SLC39A11: variants seen among roughly 807,000 people sequenced by gnomAD.
SLC39A11 encodes zinc transporter ZIP11.
In SLC39A11, 33 loss-of-function variants were observed where a neutral mutation model predicts 36.1. The ratio of observed to expected loss-of-function variants is 0.91; its 90% CI spans 0.69 to 1.22. The LOEUF is 1.22. Ranked by LOEUF, SLC39A11 falls within the 50% of genes most tolerant of loss-of-function variation. The pLI is 0.00. For missense variants in SLC39A11, 432 were observed against 430.3 expected (o/e 1.00, Z -0.03); for synonymous variants, 166 against 170.3 (o/e 0.97, Z 0.20).
At chr17:72,986,710 A>C (rs1372122425) in intron 4 of SLC39A11, among the ~76,000 whole-genome samples, 2 of 152,204 alleles carry the variant, frequency 1.3e-5, no homozygotes, top group African/African-American at 4.8e-5. Context: ...AGGTGTGAGA[A>C]GCACTTGTAG....
intron 6 of SLC39A11, among the ~76,000 whole-genome samples, chr17:72,740,857 C>T (rs1393748205): frequency 6.6e-6 from 1 of 152,154 alleles, no homozygotes; most frequent in Admixed American, 6.5e-5. Flanking sequence ...TCACCGCAAC[C>T]TCCGCCTCCC....
At chr17:73,008,562 C>T (rs1042596529) in intron 4 of SLC39A11, among the ~76,000 whole-genome samples, 1 of 152,106 alleles carries the variant, frequency 6.6e-6, no homozygotes, top group Non-Finnish European at 1.5e-5. Flanking sequence ...ATCAGGTGCT[C>T]CTGATTATAG....
chr17:72,674,425 G>C (rs1297189824), intron 7 of SLC39A11, among the ~76,000 whole-genome samples: 1 of 152,118 alleles, frequency 6.6e-6, no homozygotes, highest in Non-Finnish European at 1.5e-5. Flanking sequence ...CTACACTATA[G>C]CTTACTCATC....
At chr17:72,740,596 CT>C (rs1378280677) in intron 6 of SLC39A11, among the ~76,000 whole-genome samples, 1 of 152,076 alleles carries the variant, frequency 6.6e-6, no homozygotes, top group Admixed American at 6.6e-5. Context: ...TTCCAGCATC[CT>C]TAATGGTACT....
chr17:73,056,596 C>G (rs1309752229), intron 3 of SLC39A11, among the ~76,000 whole-genome samples: 1 of 152,168 alleles, frequency 6.6e-6, no homozygotes, highest in Non-Finnish European at 1.5e-5. Context: ...TGGCAAAAGT[C>G]AAAGTCATGA....
At chr17:72,921,152 G>T (rs1423747597) in intron 5 of SLC39A11, among the ~76,000 whole-genome samples, 4 of 152,164 alleles carry the variant, frequency 2.6e-5, no homozygotes, top group African/African-American at 9.7e-5. Flanking sequence ...TGCATGAAAT[G>T]AATGAAAAAG....
intron 5 of SLC39A11, among the ~76,000 whole-genome samples, chr17:72,864,527 G>A (rs778596481): frequency 2.6e-5 from 4 of 152,078 alleles, no homozygotes; most frequent in Admixed American, 2.0e-4. Context: ...TACTGCAGTC[G>A]TGAGTCCCCT....
At position 73,047,021 on chromosome 17, in the gene SLC39A11, T is replaced by G. The variant is rs375512622; in HGVS notation, c.148-15307A>C. Reference sequence around the variant, plus strand: ...AGAACCACCTTCTTCTTTTTTTATTTTATTTATTTTTTTTTTTTTTTGAGA... The same window carrying G: ...AGAACCACCTTCTTCTTTTTTTATTGTATTTATTTTTTTTTTTTTTTGAGA... On this transcript the variant is annotated intron_variant, in intron 3 of 9. Coordinates refer to ENST00000255559, the MANE Select transcript of SLC39A11 (RefSeq NM_139177.4). Among the ~76,000 whole-genome samples, 3 of 125,024 alleles carry G rather than the reference T, an allele frequency of 2.4e-5. No homozygotes were observed. The South Asian group carries it at 7.8e-4, about 32-fold the overall frequency. 82.0% of individuals were successfully genotyped at this position (125,024 alleles called of 152,430 possible).
intron 7 of SLC39A11, among the ~76,000 whole-genome samples, chr17:72,730,901 C>G (rs888123352): frequency 6.6e-6 from 1 of 152,150 alleles, no homozygotes; most frequent in Non-Finnish European, 1.5e-5. Context: ...TAGGTGTGCG[C>G]CACCACGTCC....
chr17:72,969,562 G>T (rs552388539), intron 4 of SLC39A11, among the ~76,000 whole-genome samples: 3 of 151,528 alleles, frequency 2.0e-5, no homozygotes, highest in East Asian at 1.9e-4. Context: ...CTCCTCTCTC[G>T]CATCCTCTTC....
intron 7 of SLC39A11, among the ~76,000 whole-genome samples, chr17:72,715,807 G>A (rs1173244570): frequency 6.6e-6 from 1 of 152,086 alleles, no homozygotes; most frequent in Non-Finnish European, 1.5e-5. Flanking sequence ...GGGTTCAAGC[G>A]ATTCTCGTGC....
Position 72,967,009 on chromosome 17 carries a change from G to C in SLC39A11, c.307-19134C>G, listed in dbSNP as rs11867399. On this transcript the variant is annotated intron_variant, in intron 4 of 9. Transcript: ENST00000255559. ...TGTGCATGCAAAGGATCTAGGTTGCGCGTTCCTTATGAGAATCTAATGCCT... is the reference window on the plus strand; with the variant it reads ...TGTGCATGCAAAGGATCTAGGTTGCCCGTTCCTTATGAGAATCTAATGCCT... Among the ~76,000 whole-genome samples, 218 of 152,174 alleles carry C rather than the reference G, an allele frequency of 1.4e-3. 3 individuals are homozygous for C. Among genetic ancestry groups the C allele is most frequent in the African/African-American group, 5.1e-3 (212 of 41,486 alleles).
intron 7 of SLC39A11, chr17:72,663,782 G>C (rs1042312567): frequency 2.0e-5 from 3 of 152,146 alleles, no homozygotes; most frequent in Non-Finnish European, 2.9e-5. Flanking sequence ...TCTTATTCAC[G>C]GAGGGCTTCA....
chr17:72,985,377 G>A (rs958675141), intron 4 of SLC39A11, among the ~76,000 whole-genome samples: 3 of 144,216 alleles, frequency 2.1e-5, no homozygotes, highest in Non-Finnish European at 3.0e-5. Flanking sequence ...TCATTTCCAT[G>A]CAAACCTTCT....
At chr17:72,756,132 C>T (rs2075358318) in intron 6 of SLC39A11, among the ~76,000 whole-genome samples, 1 of 152,194 alleles carries the variant, frequency 6.6e-6, no homozygotes, top group Non-Finnish European at 1.5e-5. Flanking sequence ...GTGTGGAAAA[C>T]AGTTTGGTGG....
chr17:72,899,004 C>T (rs1381542916), intron 5 of SLC39A11, among the ~76,000 whole-genome samples: 2 of 148,954 alleles, frequency 1.3e-5, no homozygotes, highest in East Asian at 2.0e-4. Context: ...GCCACTTGAC[C>T]GACCCCCATC....
At chr17:72,683,389 G>A (rs963865380) in intron 7 of SLC39A11, among the ~76,000 whole-genome samples, 43 of 147,678 alleles carry the variant, frequency 2.9e-4, no homozygotes, top group African/African-American at 1.0e-3. Flanking sequence ...AGGCTAGAGT[G>A]CAGTGGCACA....
intron 6 of SLC39A11, among the ~76,000 whole-genome samples, chr17:72,751,237 G>A (rs2075144079): frequency 1.3e-5 from 2 of 152,178 alleles, no homozygotes; most frequent in Admixed American, 6.5e-5. Context: ...GACAGAGTGA[G>A]ACTCCATCTC....
intron 5 of SLC39A11, among the ~76,000 whole-genome samples, chr17:72,937,972 C>A (rs2084877010): frequency 1.3e-5 from 2 of 152,200 alleles, no homozygotes; most frequent in Admixed American, 1.3e-4. Context: ...AGTTGGCAGA[C>A]AGAGAGAGTG....
Sources: allele counts gnomAD v4.1 joint callset (sites outside exome capture counted in the v4.1 genomes callset), GRCh38; gene constraint gnomAD v4.1.1; transcripts MANE v1.5; gene names NCBI Gene and HGNC (gene_info 2026-07-23, HGNC 2026-07-21).